OTUD7A: variants seen among roughly 807,000 people sequenced by gnomAD.
OTUD7A encodes the protein OTU domain-containing protein 7A.
Under a neutral mutation model 65.7 loss-of-function variants are expected in OTUD7A, and 12 were observed. The ratio of observed to expected loss-of-function variants is 0.18; its 90% CI spans 0.12 to 0.30. OTUD7A has a LOEUF of 0.30. Ranked by LOEUF, OTUD7A falls within the 10% of genes least tolerant of loss-of-function variation. The pLI is 1.00. For missense variants in OTUD7A, 1,148 were observed against 1,304.8 expected, an observed-to-expected ratio of 0.88 and a Z score of 1.85; for synonymous variants, 641 against 586.3, an observed-to-expected ratio of 1.09 and a Z score of -1.35.
At chr15:31,492,903 T>C (rs184666503) in intron 10 of OTUD7A, among the ~76,000 whole-genome samples, 10 of 152,214 alleles carry the variant, frequency 6.6e-5, no homozygotes, top group Non-Finnish European at 1.3e-4. Flanking sequence ...AACCCACATA[T>C]ATGCTGTCTA....
rs2041096608 is a variant in OTUD7A, at chr15:31,480,208, AT to A, written c.*3085del. 6.6e-6 allele frequency: 1 copy of A among 152,356 alleles called. No homozygotes were observed. The highest frequency in any genetic ancestry group is 2.4e-5 in the African/African-American group (1 of 41,584). 9.4% of individuals were successfully genotyped at this position (152,356 alleles called of 1,614,324 possible). A position where few individuals can be genotyped will look rare whatever the true frequency, so the allele number is the denominator to read the frequency against. On this transcript the variant is annotated 3_prime_UTR_variant, in exon 13 of 13. Transcript: ENST00000307050. Reference sequence around the variant, plus strand: ...GTACAGTTTAAACTTGGCTTGTAAAATTTCAACGTAACACAGCATAAAGTCT... The same window carrying A: ...GTACAGTTTAAACTTGGCTTGTAAAATTCAACGTAACACAGCATAAAGTCT...
At chr15:31,637,623 G>A (rs1156381084) in intron 3 of OTUD7A, among the ~76,000 whole-genome samples, 1 of 152,210 alleles carries the variant, frequency 6.6e-6, no homozygotes, top group East Asian at 1.9e-4. Flanking sequence ...TCTGGGCAAA[G>A]TACATTGAAA....
At position 31,675,317 on chromosome 15, in the gene OTUD7A, G is replaced by A. The variant is rs192165243; in HGVS notation, c.-99-18240C>T. On this transcript the variant is annotated intron_variant, in intron 1 of 12. Coordinates refer to ENST00000307050, the MANE Select transcript of OTUD7A (RefSeq NM_001382637.1). The stretch of plus-strand genomic sequence containing the variant: ...TAGAGATGCCATTACCAACCCTGGA[G>A]TGCCTCATTCTCGTACATGTGAGAG... Among the ~76,000 whole-genome samples the A allele has an allele frequency of 1.9e-3, 283 of 152,288 alleles. 4 individuals are homozygous for A. The highest frequency in any genetic ancestry group is 0.017 in the Middle Eastern group (5 of 294).
At chr15:31,490,695 C>T (rs972346709) in intron 10 of OTUD7A, among the ~76,000 whole-genome samples, 2 of 152,168 alleles carry the variant, frequency 1.3e-5, no homozygotes, top group African/African-American at 4.8e-5. Context: ...ACCCTGGGGG[C>T]TGAAGATATA....
At chr15:31,805,222 G>A (rs1390366163) in intron 1 of OTUD7A, among the ~76,000 whole-genome samples, 13 of 152,266 alleles carry the variant, frequency 8.5e-5, no homozygotes, top group Admixed American at 2.6e-4. Flanking sequence ...GCTGCCAAGT[G>A]CTGAGGGAGG....
intron 1 of OTUD7A, among the ~76,000 whole-genome samples, chr15:31,844,641 C>T (rs1272451020): frequency 2.0e-5 from 3 of 152,246 alleles, no homozygotes; most frequent in African/African-American, 7.2e-5. Flanking sequence ...TATACAACTC[C>T]CAGAACTCCT....
At chr15:31,605,058 A>G (rs1890198450) in intron 3 of OTUD7A, among the ~76,000 whole-genome samples, 4 of 152,208 alleles carry the variant, frequency 2.6e-5, no homozygotes, top group Admixed American at 2.0e-4. Context: ...AGGAGAAAGT[A>G]GGGCCTTCCA....
chr15:31,807,978 G>A (rs988346373), intron 1 of OTUD7A, among the ~76,000 whole-genome samples: 26 of 152,040 alleles, frequency 1.7e-4, no homozygotes, highest in African/African-American at 6.0e-4. Context: ...TGCCAGTTTC[G>A]TCTGTCAGTT....
intron 1 of OTUD7A, among the ~76,000 whole-genome samples, chr15:31,699,081 C>CAT (rs1893149408): frequency 1.6e-5 from 2 of 128,970 alleles, no homozygotes; most frequent in Non-Finnish European, 1.7e-5. Flanking sequence ...GTGATTAATA[C>CAT]TTTTTTTTTT....
chr15:31,647,241 C>T (rs773844067), intron 3 of OTUD7A, among the ~76,000 whole-genome samples: 19 of 152,170 alleles, frequency 1.2e-4, no homozygotes, highest in Non-Finnish European at 2.6e-4. Context: ...GTCCCTAGAC[C>T]ACCTTTTTGT....
chr15:31,499,229 A>G (rs2041428716), intron 10 of OTUD7A, among the ~76,000 whole-genome samples: 1 of 152,198 alleles, frequency 6.6e-6, no homozygotes, highest in Non-Finnish European at 1.5e-5. Context: ...TTCCGCAGGC[A>G]CAAGGATGCG....
chr15:31,760,288 C>G (rs1298569737), intron 1 of OTUD7A, among the ~76,000 whole-genome samples: 1 of 152,174 alleles, frequency 6.6e-6, no homozygotes, highest in Non-Finnish European at 1.5e-5. Context: ...GCCCTGATTT[C>G]CACTGTTTCA....
intron 8 of OTUD7A, among the ~76,000 whole-genome samples, chr15:31,517,294 G>T (rs999338341): frequency 6.6e-6 from 1 of 152,190 alleles, no homozygotes; most frequent in Non-Finnish European, 1.5e-5. Context: ...GGGCAAACAA[G>T]ATCTTATCTG....
chr15:31,495,953 C>A (rs1383402827), intron 10 of OTUD7A, among the ~76,000 whole-genome samples: 1 of 151,410 alleles, frequency 6.6e-6, no homozygotes, highest in African/African-American at 2.4e-5. Flanking sequence ...GTAGTCCCAC[C>A]TACTCGGGAG....
At chr15:31,691,246 T>C (rs1292009253) in intron 1 of OTUD7A, among the ~76,000 whole-genome samples, 10 of 152,210 alleles carry the variant, frequency 6.6e-5, no homozygotes, top group Non-Finnish European at 1.5e-4. Context: ...AGCCTGAAAT[T>C]CATATGAAAC....
At chr15:31,834,033 A>C (rs999580782) in intron 1 of OTUD7A, among the ~76,000 whole-genome samples, 1 of 152,188 alleles carries the variant, frequency 6.6e-6, no homozygotes, top group African/African-American at 2.4e-5. Context: ...GCTTCCTATG[A>C]TGTTTTTTCT....
intron 1 of OTUD7A, among the ~76,000 whole-genome samples, chr15:31,809,120 G>A (rs1016329208): frequency 1.3e-5 from 2 of 152,148 alleles, no homozygotes; most frequent in Non-Finnish European, 2.9e-5. Context: ...CCTCCATTCT[G>A]ACTAGAGAGA....
chr15:31,548,939 C>G lies in OTUD7A; in HGVS notation c.550+10030G>C, dbSNP rs549901439. Among the ~76,000 whole-genome samples, 13 of 152,102 alleles carry G rather than the reference C, an allele frequency of 8.5e-5. No homozygotes were observed. In the East Asian group the frequency reaches 2.5e-3, roughly 29 times the overall value. ...TCACTTGAGGCCAGGGGTTCAAGAC[C>G]AGACTGACCAACATGGCAAAACCCC... On this transcript the variant is annotated intron_variant, in intron 5 of 12. Transcript: ENST00000307050.
At chr15:31,649,997 G>A (rs1284729668) in intron 3 of OTUD7A, among the ~76,000 whole-genome samples, 1 of 132,504 alleles carries the variant, frequency 7.5e-6, no homozygotes, top group East Asian at 2.1e-4. Context: ...CAGGAAAGGG[G>A]TCTCTACCGT....
Sources: allele counts gnomAD v4.1 joint callset (sites outside exome capture counted in the v4.1 genomes callset), GRCh38; gene constraint gnomAD v4.1.1; transcripts MANE v1.5; gene names NCBI Gene and HGNC (gene_info 2026-07-23, HGNC 2026-07-21).